The following CDC42SE2 variants were observed in gnomAD, a reference collection of about 807,000 sequenced individuals.
CDC42SE2 encodes the protein CDC42 small effector protein 2.
CDC42SE2 carries 3 observed loss-of-function variants against 11.5 expected under a neutral mutation model. The observed-to-expected ratio is 0.26, with a 90% CI of 0.12 to 0.67. The LOEUF (loss-of-function observed/expected upper bound fraction) is 0.67. CDC42SE2 is among the 30% of genes least tolerant of loss of function. The pLI is 0.80. For synonymous variants in CDC42SE2, 33 were observed against 34.8 expected, an observed-to-expected ratio of 0.95 and a Z score of 0.18; for missense variants, 82 against 106.8, an observed-to-expected ratio of 0.77 and a Z score of 1.02.
intron 1 of CDC42SE2, among the ~76,000 whole-genome samples, chr5:131,310,679 T>C (rs1480643462): frequency 6.6e-6 from 1 of 152,164 alleles, no homozygotes; most frequent in Non-Finnish European, 1.5e-5. Context: ...TCTTGTTGAA[T>C]TGATCCCTTT....
At chr5:131,211,480 T>C in the CDC42SE2 span, among the ~76,000 whole-genome samples, 1 of 152,230 alleles carries the variant, frequency 6.6e-6, no homozygotes, top group Non-Finnish European at 1.5e-5. Context: ...AAGTACTACA[T>C]GGTCAATACT....
Position 131,250,071 on chromosome 5 carries a change from C to T in CDC42SE2, n.107+4472C>T, listed in dbSNP as rs527570473. Among the ~76,000 whole-genome samples the T allele has an allele frequency of 5.3e-5, 8 of 152,298 alleles. No individual in the cohort carries two copies. In the South Asian group the frequency reaches 1.2e-3, roughly 24 times the overall value. On this transcript the variant is annotated intron_variant and non_coding_transcript_variant, in intron 1 of 3. Transcript: ENST00000502840. ...GCAAATTGGCAAATTGTGTCATTAT[C>T]ACTCCAAATTGAATATTCATATACC...
rs112641200 is a variant in CDC42SE2, at chr5:131,368,623, A to G, written c.54+9076A>G. ...ACTGGTGTATCTTTATTTTTAAGCTATTTCCATAAAAGCTTTTTAAAACTT... is the reference window on the plus strand; with the variant it reads ...ACTGGTGTATCTTTATTTTTAAGCTGTTTCCATAAAAGCTTTTTAAAACTT... On this transcript the variant is annotated intron_variant, in intron 3 of 4. Coordinates refer to ENST00000505065, the MANE Select transcript of CDC42SE2 (RefSeq NM_001375635.1). Among the ~76,000 whole-genome samples, 384 of 152,244 alleles carry G rather than the reference A, an allele frequency of 2.5e-3. 1 individual carries two copies. The highest frequency in any genetic ancestry group is 8.6e-3 in the African/African-American group (357 of 41,558).
intron 2 of CDC42SE2, among the ~76,000 whole-genome samples, chr5:131,354,481 A>G (rs914593463): frequency 3.9e-5 from 6 of 152,164 alleles, no homozygotes; most frequent in African/African-American, 1.4e-4. Flanking sequence ...GCATCTCTAA[A>G]CAAAATAGTT....
At chr5:131,220,742 A>G in the CDC42SE2 span, among the ~76,000 whole-genome samples, 212 of 152,280 alleles carry the variant, frequency 1.4e-3, no homozygotes, top group African/African-American at 5.0e-3. Flanking sequence ...CAAGTATGCT[A>G]TGATGCTATG....
At chr5:131,358,056 T>C (rs1749603196) in intron 2 of CDC42SE2, among the ~76,000 whole-genome samples, 1 of 152,234 alleles carries the variant, frequency 6.6e-6, no homozygotes, top group African/African-American at 2.4e-5. Flanking sequence ...TTTCTACCTA[T>C]GATTTAAATG....
At chr5:131,290,001 C>T (rs1757419260) in intron 1 of CDC42SE2, among the ~76,000 whole-genome samples, 1 of 152,036 alleles carries the variant, frequency 6.6e-6, no homozygotes, top group South Asian at 2.1e-4. Flanking sequence ...TGCCACCATT[C>T]TTGGCTAATT....
chr5:131,214,240 A>T, the CDC42SE2 span, among the ~76,000 whole-genome samples: 1 of 152,330 alleles, frequency 6.6e-6, no homozygotes, highest in African/African-American at 2.4e-5. Context: ...CAGTGTGGTG[A>T]CATGTGCCTG....
chr5:131,232,682 C>T, the CDC42SE2 span, among the ~76,000 whole-genome samples: 4 of 138,786 alleles, frequency 2.9e-5, no homozygotes, highest in African/African-American at 8.4e-5. Context: ...TGCAGTGAGC[C>T]GAGATCATGC....
chr5:131,249,066 G>A (rs10054370), intron 1 of CDC42SE2, among the ~76,000 whole-genome samples: 19,692 of 138,044 alleles, frequency 0.14, 3,155 homozygotes, highest in African/African-American at 0.41. Flanking sequence ...TGCCCAGGCT[G>A]GAGTGCAGTG....
At chr5:131,338,192 G>T (rs1180146684) in intron 2 of CDC42SE2, among the ~76,000 whole-genome samples, 1 of 152,182 alleles carries the variant, frequency 6.6e-6, no homozygotes, top group African/African-American at 2.4e-5. Context: ...GACAACCACA[G>T]TTATTTTTGT....
chr5:131,278,345 C>G (rs1757146340), intron 1 of CDC42SE2, among the ~76,000 whole-genome samples: 1 of 152,068 alleles, frequency 6.6e-6, no homozygotes. Flanking sequence ...GCCTATTTCT[C>G]CTAACCTAGA....
intron 2 of CDC42SE2, among the ~76,000 whole-genome samples, chr5:131,324,891 G>A (rs913074524): frequency 1.3e-5 from 2 of 152,138 alleles, no homozygotes; most frequent in African/African-American, 4.8e-5. Context: ...GTCAGATAAA[G>A]TTTAGAAACA....
At chr5:131,238,311 C>T in the CDC42SE2 span, among the ~76,000 whole-genome samples, 3 of 151,978 alleles carry the variant, frequency 2.0e-5, no homozygotes, top group Admixed American at 2.0e-4. Context: ...TCCCGGCTAA[C>T]ACGGTGAAAA....
the CDC42SE2 span, among the ~76,000 whole-genome samples, chr5:131,221,548 C>T: frequency 9.1e-3 from 1,388 of 152,064 alleles, 21 homozygotes; most frequent in African/African-American, 0.032. Flanking sequence ...TGTGACCCCA[C>T]CCTCAGAATT....
chr5:131,258,109 A>C (rs1756693072), intron 2 of CDC42SE2, among the ~76,000 whole-genome samples: 1 of 152,134 alleles, frequency 6.6e-6, no homozygotes, highest in African/African-American at 2.4e-5. Context: ...ACTCAACTCA[A>C]GATCCATTGT....
chr5:131,235,741 C>T, the CDC42SE2 span, among the ~76,000 whole-genome samples: 3 of 151,712 alleles, frequency 2.0e-5, no homozygotes, highest in Non-Finnish European at 2.9e-5. Flanking sequence ...ACTACAGGCA[C>T]GTGCCACCAC....
At position 131,269,921 on chromosome 5, in the gene CDC42SE2, C is replaced by T. The variant is rs373485063; in HGVS notation, c.-455+5755C>T. ...ACTAAAAATACAAGAGTTAGCCGGG[C>T]GCGGTGGCTCAGGCCTGTAATCCCA... On this transcript the variant is annotated intron_variant, in intron 1 of 4. Transcript: ENST00000505065. Among the ~76,000 whole-genome samples, 9 of 151,744 alleles carry T rather than the reference C, an allele frequency of 5.9e-5. No individual in the cohort carries two copies. In the Middle Eastern group the frequency reaches 0.027, roughly 459 times the overall value.
chr5:131,256,222 A>T (rs1756678682), intron 2 of CDC42SE2, among the ~76,000 whole-genome samples: 1 of 152,226 alleles, frequency 6.6e-6, no homozygotes, highest in African/African-American at 2.4e-5. Flanking sequence ...ATTATCAGGA[A>T]TTCCAGTCTT....
Sources: gnomAD v4.1 joint callset for allele counts (sites outside exome capture counted in the v4.1 genomes callset) on GRCh38, gnomAD v4.1.1 for gene constraint, MANE v1.5 for transcripts, NCBI Gene and HGNC (gene_info 2026-07-23, HGNC 2026-07-21) for gene names.